Variants in INPP5D observed in about 807,000 individuals in gnomAD.
The protein encoded by INPP5D is inositol polyphosphate-5-phosphatase D.
In INPP5D, 33 loss-of-function variants were observed where a neutral mutation model predicts 122.9. The ratio of observed to expected loss-of-function variants is 0.27; its 90% CI spans 0.20 to 0.36. INPP5D has a LOEUF of 0.36. INPP5D is among the 10% of genes least tolerant of loss of function. INPP5D has a pLI of 1.00. For synonymous variants in INPP5D, 584 were observed against 576.2 expected (o/e 1.01, Z -0.19); for missense variants, 1,053 against 1,412.7 (o/e 0.75, Z 4.08).
intron 2 of INPP5D, among the ~76,000 whole-genome samples, chr2:233,121,582 C>T (rs1574743885): frequency 1.3e-5 from 2 of 151,644 alleles, no homozygotes; most frequent in Non-Finnish European, 2.9e-5. Flanking sequence ...GCGGCGCAAT[C>T]TCGGCTCACT....
At chr2:233,181,843 T>C (rs985051358) in intron 18 of INPP5D, among the ~76,000 whole-genome samples, 11 of 152,084 alleles carry the variant, frequency 7.2e-5, no homozygotes, top group Non-Finnish European at 1.5e-4. Flanking sequence ...ACGTCTGTAA[T>C]CCCAGCACTT....
At chr2:233,166,366 A>G (rs1447046083) in intron 13 of INPP5D, among the ~76,000 whole-genome samples, 1 of 152,182 alleles carries the variant, frequency 6.6e-6, no homozygotes, top group African/African-American at 2.4e-5. Context: ...GCTCATGTGG[A>G]CCTGACACAC....
In INPP5D at chr2:233,068,845, C is replaced by T. The variant is rs138990323; in HGVS notation, c.134+8233C>T. ...AGAGGACTGAGTGATGCCCCTGTGACGGAGGCTGCTGGGGACAGGGCTGGG... is the reference window on the plus strand; with the variant it reads ...AGAGGACTGAGTGATGCCCCTGTGATGGAGGCTGCTGGGGACAGGGCTGGG... On this transcript the variant is annotated intron_variant, in intron 1 of 26. Coordinates refer to ENST00000445964, the MANE Select transcript of INPP5D (RefSeq NM_001017915.3). Among the ~76,000 whole-genome samples, 12 of 152,198 alleles carry T rather than the reference C, an allele frequency of 7.9e-5. No homozygotes were observed. The East Asian group carries it at 1.2e-3, about 15-fold the overall frequency.
chr2:233,137,875 T>A lies in INPP5D; in HGVS notation c.666-1967T>A, dbSNP rs1421370794. ...AAAAATATATATATATATATATATA[T>A]ATATATATATATATATATATATACA... is the stretch of plus-strand genomic sequence containing the variant. On this transcript the variant is annotated intron_variant, in intron 5 of 26. Transcript: ENST00000445964. Among the ~76,000 whole-genome samples, 27 of 47,900 alleles carry A rather than the reference T, an allele frequency of 5.6e-4. 5 individuals carry two copies. Among genetic ancestry groups the A allele is most frequent in the Non-Finnish European group, 1.2e-3 (23 of 19,548 alleles). The allele number at this position is 47,900 out of a possible 152,430, so 31.4% of individuals were successfully genotyped here. A position where few individuals can be genotyped will look rare whatever the true frequency, so the allele number is the denominator to read the frequency against.
In INPP5D at chr2:233,194,777, C is replaced by T. The variant is rs574932113; in HGVS notation, c.2597-622C>T. 1.5e-4 allele frequency among the ~76,000 whole-genome samples: 23 copies of T among 151,892 alleles called. 1 individual carries two copies. Among genetic ancestry groups the T allele is most frequent in the Non-Finnish European group, 2.4e-4 (16 of 67,938 alleles). On this transcript the variant is annotated intron_variant, in intron 23 of 26. Transcript: ENST00000445964. ...CCTCCTGAAGTGCTGGGATTACAGA[C>T]GTGACCACTGCACCGAGCCTTTTTT...
At chr2:233,123,884 C>T (rs1028939140) in intron 3 of INPP5D, among the ~76,000 whole-genome samples, 51 of 152,128 alleles carry the variant, frequency 3.4e-4, no homozygotes, top group Admixed American at 2.0e-3. Flanking sequence ...CCAAATACCA[C>T]GTGTTCTCAC....
chr2:233,146,361 C>T lies in INPP5D; in HGVS notation c.835-6C>T, dbSNP rs781760700. Reference sequence around the variant, plus strand: ...GACCCTCTGTCTCTAACGCTGCTGCCCACAGGTCAAGGCCTTGCTGCACGA... The same window carrying T: ...GACCCTCTGTCTCTAACGCTGCTGCTCACAGGTCAAGGCCTTGCTGCACGA... On this transcript the variant is annotated splice_region_variant and splice_polypyrimidine_tract_variant and intron_variant, in intron 7 of 26. Coordinates refer to ENST00000445964, the MANE Select transcript of INPP5D (RefSeq NM_001017915.3). 1.1e-5 allele frequency: 8 copies of T among 704,332 alleles called. No homozygotes were observed. Among genetic ancestry groups the T allele is most frequent in the South Asian group, 1.0e-4 (7 of 67,598 alleles). 43.6% of individuals were successfully genotyped at this position (704,332 alleles called of 1,614,324 possible).
rs1389207917 is a variant in INPP5D at position 233,105,607 on chromosome 2, GGGGAAGAGAGCCAGA to G, written c.199-16496_199-16482del. 2.0e-5 allele frequency among the ~76,000 whole-genome samples: 3 copies of G among 152,206 alleles called. No individual in the cohort carries two copies. The highest frequency in any genetic ancestry group is 4.8e-5 in the African/African-American group (2 of 41,438). ...TCCCTGATGCCGGGGGCTGAGCCGG[GGGGAAGAGAGCCAGA>G]GGGGAAGGGAAGGGTAAGAGGGTAG... On this transcript the variant is annotated intron_variant, in intron 2 of 26. Coordinates refer to ENST00000445964, the MANE Select transcript of INPP5D (RefSeq NM_001017915.3). This position sits in a 1 kb window ranked among gnomAD's most constrained non-coding sequence, Gnocchi z 4.0.
chr2:233,186,684 C>CTTTTTTTT (rs144243823), intron 21 of INPP5D, among the ~76,000 whole-genome samples: 4 of 44,524 alleles, frequency 9.0e-5, no homozygotes, highest in Non-Finnish European at 1.7e-4. Context: ...TTTTCTCTTT[C>CTTTTTTTT]TTTTTTTTTT....
In INPP5D at chr2:233,204,575, C is replaced by G. The variant is rs1695433556; in HGVS notation, c.3425C>G (p.Pro1142Arg). The G allele has an allele frequency of 6.4e-7, 1 of 1,566,640 alleles. No homozygotes were observed. The highest frequency in any genetic ancestry group is 1.4e-5 in the African/African-American group (1 of 73,640). The part of the protein sequence containing the change: ...QTPPTPTPRP[P>R]LPVKSPAVLH... ...CCGCCCACCCCGACGCCGCGGCCGC[C>G]GCTGCCAGTCAAGAGCCCGGCGGTG... The change falls in exon 26 of 27, where the codon CCG becomes CGG. Residue 1142 changes from proline to arginine, a missense_variant. Physicochemically the swap from Pro to Arg is moderately radical, Grantham distance 103. This residue lies in a region of INPP5D where 417 missense variants were observed against 425.8 expected (regional missense o/e 0.98). Coordinates refer to ENST00000445964, the MANE Select transcript of INPP5D (RefSeq NM_001017915.3).
intron 18 of INPP5D, 24 bp from the exon 19 acceptor site, chr2:233,182,385 TA>T: frequency 3.7e-6 from 6 of 1,612,784 alleles, no homozygotes; most frequent in Non-Finnish European, 5.1e-6. Flanking sequence ...CTTCCCTGCT[TA>T]AAAATGCCTT....
At chr2:233,147,663 CCT>C (rs1484390758) in intron 9 of INPP5D, 69 bp downstream of exon 9, 1 of 690,412 alleles carries the variant, frequency 1.4e-6, no homozygotes, top group East Asian at 2.7e-5. Context: ...TCTCAGCTCA[CCT>C]CTCAGAAGGC....
Position 233,156,597 on chromosome 2 carries a change from C to T in INPP5D, c.1031-1716C>T, listed in dbSNP as rs141947881. ...GGCATGAGCCACCGCGCCTGGCCCACGCTTCCTTCTAAGTACAGCGAGCCA... is the reference window on the plus strand; with the variant it reads ...GGCATGAGCCACCGCGCCTGGCCCATGCTTCCTTCTAAGTACAGCGAGCCA... On this transcript the variant is annotated intron_variant, in intron 9 of 26. Coordinates refer to ENST00000445964, the MANE Select transcript of INPP5D (RefSeq NM_001017915.3). Among the ~76,000 whole-genome samples the T allele has an allele frequency of 1.6e-3, 243 of 152,238 alleles. 2 individuals carry two copies. In the East Asian group the frequency reaches 0.027, roughly 17 times the overall value.
intron 20 of INPP5D, among the ~76,000 whole-genome samples, 156 bp from the exon 21 acceptor site, chr2:233,185,687 C>CTCCTA (rs1441015435): frequency 7.2e-6 from 1 of 138,538 alleles, no homozygotes; most frequent in African/African-American, 2.7e-5. Flanking sequence ...GCAGGCCTGA[C>CTCCTA]TCCTAAATGA....
rs892428770 is a variant in INPP5D at position 233,189,406 on chromosome 2, C to T, written c.2359-444C>T. Among the ~76,000 whole-genome samples, 5 of 152,200 alleles carry T rather than the reference C, an allele frequency of 3.3e-5. No homozygotes were observed. The highest frequency in any genetic ancestry group is 7.3e-5 in the Non-Finnish European group (5 of 68,036). On this transcript the variant is annotated intron_variant, in intron 21 of 26. Coordinates refer to ENST00000445964, the MANE Select transcript of INPP5D (RefSeq NM_001017915.3). The surrounding 1 kb of genome is among the most constrained non-coding windows in gnomAD (Gnocchi z 5.6). ...GATGCAGCCACAGTCCTGGAGGGGG[C>T]CAAGGAGAAATTCTGTGCTCTGTAG...
intron 2 of INPP5D, among the ~76,000 whole-genome samples, chr2:233,087,340 T>A (rs1691880284): frequency 6.6e-6 from 1 of 152,154 alleles, no homozygotes; most frequent in Non-Finnish European, 1.5e-5. Flanking sequence ...TTTATTTTTT[T>A]GAGACGGAGT....
At chr2:233,116,248 G>GATAGATAGATAGATAGAT (rs34084880) in intron 2 of INPP5D, among the ~76,000 whole-genome samples, 3,216 of 135,160 alleles carry the variant, frequency 0.024, 50 homozygotes, top group Non-Finnish European at 0.033. Context: ...TAGATAGATA[G>GATAGATAGATAGATAGAT]ATAGATATAG....
At position 233,177,494 on chromosome 2, in the gene INPP5D, G is replaced by A; in HGVS notation, c.2071+148G>A. On this transcript the variant is annotated intron_variant, in intron 18 of 26. Coordinates refer to ENST00000445964, the MANE Select transcript of INPP5D (RefSeq NM_001017915.3). This position sits in a 1 kb window ranked among gnomAD's most constrained non-coding sequence, Gnocchi z 4.2. ...AACCCTAATCAGGCGACCTGGAAAT[G>A]TTGATGCTTCCCTGCCTGTCTTGTG... The A allele has an allele frequency of 7.5e-7, 1 of 1,332,826 alleles. No individual in the cohort carries two copies. Among genetic ancestry groups the A allele is most frequent in the Non-Finnish European group, 1.0e-6 (1 of 966,934 alleles). The allele number at this position is 1,332,826 out of a possible 1,614,324, so 82.6% of individuals were successfully genotyped here.
At chr2:233,107,891 G>C (rs1692509646) in intron 2 of INPP5D, among the ~76,000 whole-genome samples, 1 of 152,094 alleles carries the variant, frequency 6.6e-6, no homozygotes. Flanking sequence ...CGCTGCCACG[G>C]CACTCCCTTC....
Sources: gnomAD v4.1 joint callset for allele counts (sites outside exome capture counted in the v4.1 genomes callset) on GRCh38, gnomAD v4.1.1 for gene constraint, gnomAD v4.1.1 regional missense constraint, Gnocchi (gnomAD v3.1) non-coding constraint, MANE v1.5 for transcripts, NCBI Gene and HGNC (gene_info 2026-07-23, HGNC 2026-07-21) for gene names.